YTHDC2: variants seen among roughly 807,000 people sequenced by gnomAD.
The protein encoded by YTHDC2 is YTH N6-methyladenosine RNA binding protein C2.
In YTHDC2, 45 loss-of-function variants were observed where a neutral mutation model predicts 174.9. That is an observed-to-expected ratio of 0.26 (90% CI 0.20 to 0.33). The LOEUF (loss-of-function observed/expected upper bound fraction) is 0.33, where lower values mean the gene tolerates loss of function less well. Ranked by LOEUF, YTHDC2 falls within the 10% of genes least tolerant of loss-of-function variation. The probability of loss-of-function intolerance (pLI) is 1.00; values close to 1 mark genes in which losing one functional copy is unlikely to be tolerated. For synonymous variants in YTHDC2, 657 were observed against 574.5 expected (o/e 1.14, Z -2.05); for missense variants, 1,650 against 1,723.7 (o/e 0.96, Z 0.76).
At chr5:113,582,701 A>G (rs1004297852) in intron 25 of YTHDC2, 22 of 152,284 alleles carry the variant, frequency 1.4e-4, no homozygotes, top group African/African-American at 5.1e-4. Flanking sequence ...CTGTTTTTCA[A>G]GGATCAGGTG....
At chr5:113,587,753 A>C (rs565367235) in intron 26 of YTHDC2, among the ~76,000 whole-genome samples, 1 of 151,114 alleles carries the variant, frequency 6.6e-6, no homozygotes, top group East Asian at 1.9e-4. Flanking sequence ...GGTCCTTTGT[A>C]CTTTCATATA....
intron 1 of YTHDC2, 42 bp downstream of exon 1, chr5:113,514,124 C>A: frequency 6.3e-7 from 1 of 1,584,370 alleles, no homozygotes; most frequent in Non-Finnish European, 8.6e-7. Flanking sequence ...TCAGGATACC[C>A]CCCTCACCCC....
chr5:113,575,035 C>A (rs2112768319), intron 23 of YTHDC2, among the ~76,000 whole-genome samples: 1 of 150,920 alleles, frequency 6.6e-6, no homozygotes, highest in South Asian at 2.1e-4. Flanking sequence ...ACCTACTTTT[C>A]TTCATTCTCC....
chr5:113,517,491 A>G (rs1706988175), intron 2 of YTHDC2: 2 of 454,254 alleles, frequency 4.4e-6, no homozygotes, highest in Admixed American at 4.7e-5. Flanking sequence ...TCTGGAATGA[A>G]TAGATATCTT....
Position 113,591,114 on chromosome 5 carries a change from A to G in YTHDC2, c.3899A>G (p.Asn1300Ser). 6.2e-7 allele frequency: 1 copy of G among 1,613,902 alleles called. No homozygotes were observed. Among genetic ancestry groups the G allele is most frequent in the Non-Finnish European group, 8.5e-7 (1 of 1,179,894 alleles). ...ATAATGAAGAGTAGCAATTTGAGAA[A>G]CCTTGAAATTTCTCAACAGAAGGGT... Reference protein sequence around the residue: ...YFIMKSSNLRNLEISQQKGIW... With the variant: ...YFIMKSSNLRSLEISQQKGIW... The change falls in exon 27 of 30, where the codon AAC becomes AGC. Residue 1300 changes from asparagine (N) to serine (S), a missense_variant. Physicochemically the swap from Asn to Ser is conservative, Grantham distance 46. Transcript: ENST00000161863.
In YTHDC2 at chr5:113,561,532, G is replaced by A. The variant is rs1011372577; in HGVS notation, c.2322+347G>A. Reference sequence around the variant, plus strand: ...TGCCCAGGCTAGAGTGCAGTGGCGCGATCTCGGCTCACTGCAACCTCCACC... The same window carrying A: ...TGCCCAGGCTAGAGTGCAGTGGCGCAATCTCGGCTCACTGCAACCTCCACC... On this transcript the variant is annotated intron_variant, in intron 18 of 29. Transcript: ENST00000161863. Among the ~76,000 whole-genome samples the A allele has an allele frequency of 3.3e-5, 5 of 149,928 alleles. No individual in the cohort carries two copies. In the East Asian group the frequency reaches 7.8e-4, roughly 24 times the overall value.
At chr5:113,561,550 C>T (rs1225443947) in intron 18 of YTHDC2, among the ~76,000 whole-genome samples, 1 of 151,042 alleles carries the variant, frequency 6.6e-6, no homozygotes, top group African/African-American at 2.4e-5. Context: ...CTCACTGCAA[C>T]CTCCACCTCC....
intron 4 of YTHDC2, among the ~76,000 whole-genome samples, chr5:113,532,107 G>A (rs1267784947): frequency 6.6e-6 from 1 of 152,126 alleles, no homozygotes; most frequent in Non-Finnish European, 1.5e-5. Context: ...TTAATCATTT[G>A]TTAAATTATA....
chr5:113,577,294 C>T (rs1038750717), intron 23 of YTHDC2, among the ~76,000 whole-genome samples: 2 of 152,116 alleles, frequency 1.3e-5, no homozygotes, highest in African/African-American at 4.8e-5. Flanking sequence ...GATAATCTTA[C>T]CTATTTTTAA....
intron 21 of YTHDC2, among the ~76,000 whole-genome samples, chr5:113,566,573 T>C (rs900837873): frequency 3.3e-5 from 5 of 151,710 alleles, no homozygotes; most frequent in Non-Finnish European, 7.4e-5. Flanking sequence ...GATTCATGGG[T>C]TAGCTGAAGT....
chr5:113,585,558 A>G (rs1050586605), intron 26 of YTHDC2, among the ~76,000 whole-genome samples: 4 of 151,594 alleles, frequency 2.6e-5, no homozygotes, highest in African/African-American at 4.8e-5. Flanking sequence ...AATGTATACA[A>G]TCATGTAACT....
chr5:113,563,382 T>C lies in YTHDC2; in HGVS notation c.2332T>C (p.Leu778=), dbSNP rs762059895. The C allele has an allele frequency of 3.1e-6, 5 of 1,609,814 alleles. No individual in the cohort carries two copies. The highest frequency in any genetic ancestry group is 4.2e-6 in the Non-Finnish European group (5 of 1,177,868). The change falls in exon 19 of 30, where the codon TTA becomes CTA. Residue 778 remains leucine, a synonymous_variant. Coordinates refer to ENST00000161863, the MANE Select transcript of YTHDC2 (RefSeq NM_022828.5). ...CTGTTTTGGTTTATAGGAACTTTGC[T>C]TACATACCAAGCTGTTAGCCCCAGT... ...LLRMPLQELC[L]HTKLLAPVNC... is the part of the protein sequence containing the mutation.
At chr5:113,582,976 T>C (rs1778483869) in intron 25 of YTHDC2, 1 of 152,170 alleles carries the variant, frequency 6.6e-6, no homozygotes, top group African/African-American at 2.4e-5. Context: ...TTTGAAAATA[T>C]TGTTCTAGAA....
intron 21 of YTHDC2, 121 bp downstream of exon 21, chr5:113,566,140 T>G: frequency 8.8e-7 from 1 of 1,141,990 alleles, no homozygotes; most frequent in South Asian, 2.2e-5. Context: ...ATGTTGTGTA[T>G]CTTATATTCA....
intron 7 of YTHDC2, among the ~76,000 whole-genome samples, chr5:113,538,184 A>G (rs1373873734): frequency 2.0e-5 from 3 of 152,074 alleles, no homozygotes; most frequent in African/African-American, 4.8e-5. Context: ...GGTTTTCACT[A>G]TTATTAATCT....
At chr5:113,520,740 C>G (rs982444142) in intron 2 of YTHDC2, among the ~76,000 whole-genome samples, 3 of 152,058 alleles carry the variant, frequency 2.0e-5, no homozygotes, top group Non-Finnish European at 4.4e-5. Flanking sequence ...GAGCATGCCT[C>G]CATTTGTGTA....
chr5:113,574,508 G>A (rs1306114485), intron 23 of YTHDC2, among the ~76,000 whole-genome samples: 1 of 152,136 alleles, frequency 6.6e-6, no homozygotes, highest in Non-Finnish European at 1.5e-5. Flanking sequence ...GCATTGGTGG[G>A]AACCCTTCCT....
intron 27 of YTHDC2, among the ~76,000 whole-genome samples, chr5:113,591,578 A>G (rs533286182): frequency 6.6e-6 from 1 of 152,248 alleles, no homozygotes; most frequent in South Asian, 2.1e-4. Context: ...TAGTATTGAC[A>G]ATCAGTAAAC....
At chr5:113,591,511 A>G (rs1021227645) in intron 27 of YTHDC2, among the ~76,000 whole-genome samples, 38 of 152,284 alleles carry the variant, frequency 2.5e-4, no homozygotes, top group African/African-American at 8.9e-4. Context: ...AGTGGATTCA[A>G]AGTAATGAGA....
Sources: gnomAD v4.1 joint callset for allele counts (sites outside exome capture counted in the v4.1 genomes callset) on GRCh38, gnomAD v4.1.1 for gene constraint, MANE v1.5 for transcripts, NCBI Gene and HGNC (gene_info 2026-07-23, HGNC 2026-07-21) for gene names.